The following TSHZ2 variants were observed in gnomAD, a reference collection of about 807,000 sequenced individuals.
TSHZ2 encodes the protein teashirt homolog 2.
TSHZ2 carries 21 observed loss-of-function variants against 74.4 expected under a neutral mutation model. The observed-to-expected ratio is 0.28, with a 90% CI of 0.20 to 0.41. The LOEUF (loss-of-function observed/expected upper bound fraction) is 0.41. Ranked by LOEUF, TSHZ2 falls within the 10% of genes least tolerant of loss-of-function variation. The pLI is 1.00. For synonymous variants in TSHZ2, 540 were observed against 515.3 expected, an observed-to-expected ratio of 1.05 and a Z score of -0.65; for missense variants, 1,244 against 1,293.5, an observed-to-expected ratio of 0.96 and a Z score of 0.59.
intron 1 of TSHZ2, among the ~76,000 whole-genome samples, chr20:53,000,897 T>C (rs914276914): frequency 2.6e-5 from 4 of 152,146 alleles, no homozygotes; most frequent in Admixed American, 6.5e-5. Context: ...GGGTTCGTTA[T>C]AGCTCAAGGC....
chr20:53,008,523 C>A (rs1405987170), intron 1 of TSHZ2, among the ~76,000 whole-genome samples: 7 of 149,674 alleles, frequency 4.7e-5, no homozygotes, highest in Non-Finnish European at 8.9e-5. Flanking sequence ...ATATTTTCAG[C>A]AAAGGGGCAA....
At chr20:53,260,780 A>G (rs985195998) in intron 2 of TSHZ2, among the ~76,000 whole-genome samples, 2 of 152,224 alleles carry the variant, frequency 1.3e-5, no homozygotes, top group African/African-American at 2.4e-5. Context: ...TAGTAGGTCT[A>G]TAAGAAAAGC....
chr20:53,402,194 A>G (rs141180111), intron 2 of TSHZ2, among the ~76,000 whole-genome samples: 3 of 152,324 alleles, frequency 2.0e-5, no homozygotes, highest in East Asian at 1.9e-4. Flanking sequence ...TCTTTTTCAT[A>G]TAATGACTTC....
At chr20:53,434,779 G>A (rs1983982441) in intron 2 of TSHZ2, among the ~76,000 whole-genome samples, 1 of 152,220 alleles carries the variant, frequency 6.6e-6, no homozygotes, top group Non-Finnish European at 1.5e-5. Flanking sequence ...TCTGCTGACA[G>A]TCCTGTGACC....
chr20:53,284,852 A>G (rs1285339154), intron 2 of TSHZ2, among the ~76,000 whole-genome samples: 1 of 152,128 alleles, frequency 6.6e-6, no homozygotes, highest in Non-Finnish European at 1.5e-5. Context: ...GAAGCTGGCA[A>G]TTATGTTCTG....
intron 1 of TSHZ2, among the ~76,000 whole-genome samples, chr20:53,100,839 G>A (rs1053721227): frequency 6.6e-6 from 1 of 152,190 alleles, no homozygotes; most frequent in South Asian, 2.1e-4. Context: ...TACTGGCCAA[G>A]AGCCACCAAC....
intron 1 of TSHZ2, among the ~76,000 whole-genome samples, chr20:53,215,984 GCCAAACAC>G (rs1486908506): frequency 6.6e-6 from 1 of 151,828 alleles, no homozygotes. Flanking sequence ...TTCCCCTAAG[GCCAAACAC>G]CTGTCTCTGA....
chr20:53,292,980 T>A (rs1991308926), intron 2 of TSHZ2, among the ~76,000 whole-genome samples: 1 of 152,218 alleles, frequency 6.6e-6, no homozygotes, highest in African/African-American at 2.4e-5. Flanking sequence ...CTCAATCTCA[T>A]CATTGGTCCA....
chr20:53,038,230 A>G (rs995901498), intron 1 of TSHZ2, among the ~76,000 whole-genome samples: 5 of 103,194 alleles, frequency 4.8e-5, no homozygotes, highest in African/African-American at 1.1e-4. Flanking sequence ...AAAAAAAAAA[A>G]AAAGAAACTG....
At chr20:53,040,398 G>A (rs888087412) in intron 1 of TSHZ2, among the ~76,000 whole-genome samples, 2 of 152,244 alleles carry the variant, frequency 1.3e-5, no homozygotes, top group South Asian at 2.1e-4. Flanking sequence ...AAAGGCTTGT[G>A]GGCTGTGCTA....
At chr20:53,064,710 T>C (rs1321916476) in intron 1 of TSHZ2, among the ~76,000 whole-genome samples, 1 of 112,506 alleles carries the variant, frequency 8.9e-6, no homozygotes, top group South Asian at 3.3e-4. Flanking sequence ...ACACACACAA[T>C]TGTGTGAAGC....
At chr20:53,264,248 T>C (rs1038465674) in intron 2 of TSHZ2, among the ~76,000 whole-genome samples, 3 of 152,150 alleles carry the variant, frequency 2.0e-5, no homozygotes, top group African/African-American at 7.2e-5. Context: ...ATTTTAGAGA[T>C]GAGAAAGCTG....
At chr20:53,057,962 G>A (rs1025857878) in intron 1 of TSHZ2, among the ~76,000 whole-genome samples, 8 of 152,130 alleles carry the variant, frequency 5.3e-5, no homozygotes, top group African/African-American at 1.7e-4. Context: ...TTTGGGCTCC[G>A]GGAACCAGTT....
chr20:53,212,151 A>G (rs1989325107), intron 1 of TSHZ2, among the ~76,000 whole-genome samples: 1 of 152,224 alleles, frequency 6.6e-6, no homozygotes, highest in Non-Finnish European at 1.5e-5. Flanking sequence ...TGAAGTTGTC[A>G]TCTTGGAATC....
chr20:52,994,238 A>G (rs1982090820), intron 1 of TSHZ2, among the ~76,000 whole-genome samples: 2 of 152,214 alleles, frequency 1.3e-5, no homozygotes, highest in South Asian at 4.1e-4. Flanking sequence ...TGCCCAGAAT[A>G]ACGTCCGGAA....
At chr20:53,457,953 C>T (rs1379105180) in intron 2 of TSHZ2, among the ~76,000 whole-genome samples, 3 of 149,408 alleles carry the variant, frequency 2.0e-5, no homozygotes, top group East Asian at 2.0e-4. Flanking sequence ...CTGCTGGATT[C>T]GTTTTGCCAG....
chr20:53,000,269 G>A (rs555890572), intron 1 of TSHZ2, among the ~76,000 whole-genome samples: 52 of 152,298 alleles, frequency 3.4e-4, no homozygotes, highest in Admixed American at 5.9e-4. Flanking sequence ...GGTTATATAA[G>A]TACCTATATA....
intron 2 of TSHZ2, among the ~76,000 whole-genome samples, chr20:53,441,367 G>A (rs1057444237): frequency 7.3e-5 from 11 of 151,630 alleles, no homozygotes; most frequent in Non-Finnish European, 1.3e-4. Context: ...CTGGGTTCCC[G>A]CCATTCTCCT....
intron 2 of TSHZ2, among the ~76,000 whole-genome samples, chr20:53,391,149 T>TG (rs1472568022): frequency 1.9e-4 from 29 of 150,140 alleles, no homozygotes; most frequent in African/African-American, 4.3e-4. Flanking sequence ...TGTTTTGTTT[T>TG]GTTTTGGTTT....
Sources: allele counts gnomAD v4.1 joint callset (sites outside exome capture counted in the v4.1 genomes callset), GRCh38; gene constraint gnomAD v4.1.1; transcripts MANE v1.5; gene names NCBI Gene and HGNC (gene_info 2026-07-23, HGNC 2026-07-21).